The following SKAP2 variants were observed in gnomAD, a reference collection of about 807,000 sequenced individuals.
The protein encoded by SKAP2 is src kinase associated phosphoprotein 2, also known as src kinase-associated phosphoprotein 2.
A neutral mutation model predicts 54.9 loss-of-function variants in SKAP2; 28 were observed. That is an observed-to-expected ratio of 0.51 (90% confidence interval 0.38 to 0.70). The LOEUF (loss-of-function observed/expected upper bound fraction) is 0.70, where lower values mean the gene tolerates loss of function less well. SKAP2 is among the 30% of genes least tolerant of loss of function. The pLI, the probability that SKAP2 is intolerant of heterozygous loss-of-function variation, is 0.00. For missense variants in SKAP2, 356 were observed against 424.1 expected, an observed-to-expected ratio of 0.84 and a Z score of 1.41; for synonymous variants, 137 against 134.3, an observed-to-expected ratio of 1.02 and a Z score of -0.14.
intron 11 of SKAP2, among the ~76,000 whole-genome samples, chr7:26,677,726 A>G (rs899001917): frequency 1.3e-5 from 2 of 152,190 alleles, no homozygotes; most frequent in Admixed American, 1.3e-4. Flanking sequence ...TATTTTATGC[A>G]TTGGTCTTCT....
Position 26,726,890 on chromosome 7 carries a change from T to A in SKAP2, c.586A>T (p.Ile196Leu), listed in dbSNP as rs771812040. Residue 196 changes from isoleucine (I) to leucine (L), a missense_variant, in exon 7 of 13, where the codon ATA becomes TTA. Coordinates refer to ENST00000345317, the MANE Select transcript of SKAP2 (RefSeq NM_003930.5). ...CFEISAPDKRIYQFTAASPKD... is the reference protein window; with the variant it reads ...CFEISAPDKRLYQFTAASPKD... ...AACATAAAAACTACAACCTGATATATACGTTTATCAGGAGCAGAGATTTCA... is the reference window on the plus strand; with the variant it reads ...AACATAAAAACTACAACCTGATATAAACGTTTATCAGGAGCAGAGATTTCA... 5 of 1,606,706 alleles carry A rather than the reference T, an allele frequency of 3.1e-6. No individual in the cohort carries two copies. Among genetic ancestry groups the A allele is most frequent in the African/African-American group, 2.7e-5 (2 of 74,592 alleles).
chr7:26,670,610 T>A (rs891340771), intron 11 of SKAP2, among the ~76,000 whole-genome samples: 2 of 151,936 alleles, frequency 1.3e-5, no homozygotes, highest in Non-Finnish European at 2.9e-5. Flanking sequence ...GATAAAATAA[T>A]TTTTTTTACA....
intron 4 of SKAP2, among the ~76,000 whole-genome samples, chr7:26,797,943 T>G (rs1329128819): frequency 6.6e-6 from 1 of 151,280 alleles, no homozygotes; most frequent in Non-Finnish European, 1.5e-5. Flanking sequence ...AACAGCAGAA[T>G]TGATCAAGCA....
chr7:26,761,039 T>C (rs1453171622), intron 4 of SKAP2, among the ~76,000 whole-genome samples: 1 of 152,136 alleles, frequency 6.6e-6, no homozygotes, highest in Non-Finnish European at 1.5e-5. Context: ...GGGCAGAAGA[T>C]AGTCTGTAGT....
chr7:26,724,771 T>A (rs995528732), intron 9 of SKAP2, among the ~76,000 whole-genome samples: 1 of 152,192 alleles, frequency 6.6e-6, no homozygotes, highest in African/African-American at 2.4e-5. Flanking sequence ...TTTAGATTGA[T>A]CCTCATGGCC....
chr7:26,733,086 A>G (rs112728307), intron 6 of SKAP2, among the ~76,000 whole-genome samples: 2,352 of 151,996 alleles, frequency 0.015, 63 homozygotes, highest in African/African-American at 0.054. Flanking sequence ...TGCTGAGATC[A>G]TGCCACTGCA....
intron 4 of SKAP2, among the ~76,000 whole-genome samples, chr7:26,813,615 A>G (rs1784202671): frequency 6.6e-6 from 1 of 152,224 alleles, no homozygotes; most frequent in Non-Finnish European, 1.5e-5. Flanking sequence ...GCTTGGGGCA[A>G]AAAGCAAATT....
At chr7:26,747,023 T>C (rs1782572571) in intron 4 of SKAP2, among the ~76,000 whole-genome samples, 1 of 152,152 alleles carries the variant, frequency 6.6e-6, no homozygotes. Context: ...TGTGGGAAAT[T>C]TGGAATTTCA....
At chr7:26,842,180 TA>T (rs1784830112) in intron 4 of SKAP2, among the ~76,000 whole-genome samples, 5 of 151,728 alleles carry the variant, frequency 3.3e-5, no homozygotes, top group Admixed American at 3.3e-4. Context: ...CAAAAATGAG[TA>T]ATACTACAGG....
At chr7:26,681,760 C>T (rs1584327363) in intron 11 of SKAP2, among the ~76,000 whole-genome samples, 1 of 152,168 alleles carries the variant, frequency 6.6e-6, no homozygotes, top group South Asian at 2.1e-4. Context: ...ACAAAGTACA[C>T]ATTTCCTGTA....
chr7:26,853,736 G>A (rs969717602), intron 3 of SKAP2, among the ~76,000 whole-genome samples: 1 of 152,130 alleles, frequency 6.6e-6, no homozygotes, highest in Admixed American at 6.5e-5. Context: ...CTCAGCCACA[G>A]GACCTTCTCC....
intron 7 of SKAP2, 56 bp from the exon 8 acceptor site, chr7:26,726,042 G>C: frequency 8.9e-7 from 1 of 1,126,480 alleles, no homozygotes; most frequent in Non-Finnish European, 1.3e-6. Flanking sequence ...TGAAAGGTAT[G>C]TTGTATTCTT....
chr7:26,848,089 T>C (rs1003195398), intron 3 of SKAP2: 3 of 152,218 alleles, frequency 2.0e-5, no homozygotes, highest in African/African-American at 7.2e-5. Context: ...TTTTTAAATT[T>C]ATACTAGCTG....
At chr7:26,748,993 G>A (rs928803580) in intron 4 of SKAP2, among the ~76,000 whole-genome samples, 2 of 152,058 alleles carry the variant, frequency 1.3e-5, no homozygotes, top group Non-Finnish European at 2.9e-5. Flanking sequence ...GCTATGGTGG[G>A]GATGTAGTAG....
At chr7:26,707,739 C>T (rs1010519087) in intron 9 of SKAP2, among the ~76,000 whole-genome samples, 1 of 152,164 alleles carries the variant, frequency 6.6e-6, no homozygotes, top group Admixed American at 6.5e-5. Flanking sequence ...AGACCCCCAA[C>T]AGCCCAGGGA....
At chr7:26,807,904 T>C (rs1439725116) in intron 4 of SKAP2, among the ~76,000 whole-genome samples, 5 of 152,226 alleles carry the variant, frequency 3.3e-5, no homozygotes, top group African/African-American at 1.2e-4. Flanking sequence ...ATTTTTAAAT[T>C]AAGGTATGCA....
At chr7:26,809,351 TGCAGTGAGCCAAGATCG>T (rs1241513501) in intron 4 of SKAP2, among the ~76,000 whole-genome samples, 1 of 151,674 alleles carries the variant, frequency 6.6e-6, no homozygotes, top group East Asian at 1.9e-4. Flanking sequence ...AGGCAGAGGT[TGCAGTGAGCCAAGATCG>T]CACCATTGCA....
chr7:26,802,205 T>TA (rs1667240759), intron 4 of SKAP2, among the ~76,000 whole-genome samples: 1 of 150,314 alleles, frequency 6.7e-6, no homozygotes, highest in Non-Finnish European at 1.5e-5. Context: ...TCCACACACT[T>TA]AGAGTGAAAT....
At chr7:26,804,994 T>C (rs549829384) in intron 4 of SKAP2, among the ~76,000 whole-genome samples, 2 of 152,258 alleles carry the variant, frequency 1.3e-5, no homozygotes, top group Admixed American at 1.3e-4. Context: ...GTATCCAGAA[T>C]ATGATGTCTA....
Sources: gnomAD v4.1 joint callset for allele counts (sites outside exome capture counted in the v4.1 genomes callset) on GRCh38, gnomAD v4.1.1 for gene constraint, MANE v1.5 for transcripts, NCBI Gene and HGNC (gene_info 2026-07-23, HGNC 2026-07-21) for gene names.